RARB: variants seen among roughly 807,000 people sequenced by gnomAD.
RARB encodes HBV-activated protein.
A neutral mutation model predicts 51.9 loss-of-function variants in RARB; 17 were observed. That is an observed-to-expected ratio of 0.33 (90% CI 0.22 to 0.49). The LOEUF is 0.49. Ranked by LOEUF, RARB falls within the 20% of genes least tolerant of loss-of-function variation. The pLI is 0.99. For synonymous variants in RARB, 215 were observed against 195.4 expected, an observed-to-expected ratio of 1.10 and a Z score of -0.84; for missense variants, 369 against 550.8, an observed-to-expected ratio of 0.67 and a Z score of 3.30.
At chr3:25,522,158 G>A (rs1698428338) in intron 3 of RARB, among the ~76,000 whole-genome samples, 1 of 151,918 alleles carries the variant, frequency 6.6e-6, no homozygotes, top group African/African-American at 2.4e-5. Context: ...AAGTGGTGGA[G>A]AAAAAGACCG....
At chr3:25,174,267 C>A in exon 5 of RARB, 1 of 659,888 alleles carries the variant, frequency 1.5e-6, no homozygotes, top group Non-Finnish European at 2.3e-6. Context: ...TCAGTTGAAC[C>A]ATCTTGACTT....
upstream of RARB, chr3:25,428,165 G>C: frequency 9.1e-7 from 1 of 1,098,216 alleles, no homozygotes; most frequent in Non-Finnish European, 1.2e-6. Flanking sequence ...GGGAGTTGGT[G>C]ATGTCAGACT....
At chr3:25,323,300 C>T (rs578246411) in intron 5 of RARB, among the ~76,000 whole-genome samples, 1 of 152,212 alleles carries the variant, frequency 6.6e-6, no homozygotes, top group Non-Finnish European at 1.5e-5. Context: ...AGGAATGGCA[C>T]AGCCACATTA....
intron 1 of RARB, among the ~76,000 whole-genome samples, chr3:24,845,345 A>G (rs921954432): frequency 3.9e-5 from 6 of 152,306 alleles, no homozygotes; most frequent in African/African-American, 1.4e-4. Flanking sequence ...TACCTCGACT[A>G]GGAAGGAGCA....
intron 5 of RARB, among the ~76,000 whole-genome samples, chr3:25,406,580 T>A (rs1341803119): frequency 6.6e-6 from 1 of 152,222 alleles, no homozygotes; most frequent in African/African-American, 2.4e-5. Flanking sequence ...TCTGGTCATA[T>A]TGGATTAGGA....
chr3:24,870,852 C>A (rs1015907901), intron 2 of RARB, among the ~76,000 whole-genome samples: 1 of 152,100 alleles, frequency 6.6e-6, no homozygotes, highest in African/African-American at 2.4e-5. Flanking sequence ...GGAGATCCAT[C>A]ACCTCAAGCG....
intron 2 of RARB, among the ~76,000 whole-genome samples, chr3:25,025,959 C>T (rs182627079): frequency 7.0e-4 from 106 of 152,100 alleles, no homozygotes; most frequent in Admixed American, 2.4e-3. Flanking sequence ...TCAATAATTC[C>T]TCTGATTCAA....
At chr3:24,841,441 TC>T (rs1702420431) in intron 1 of RARB, among the ~76,000 whole-genome samples, 7 of 152,336 alleles carry the variant, frequency 4.6e-5, no homozygotes, top group Non-Finnish European at 2.9e-5. Flanking sequence ...AAGTCCTTGT[TC>T]AATTTAGGAT....
intron 5 of RARB, among the ~76,000 whole-genome samples, chr3:25,264,278 T>G (rs1703075115): frequency 6.6e-6 from 1 of 152,182 alleles, no homozygotes; most frequent in African/African-American, 2.4e-5. Flanking sequence ...ATGGATACCG[T>G]CATCCCAGTA....
chr3:25,298,185 T>C (rs1703961376), intron 5 of RARB, among the ~76,000 whole-genome samples: 2 of 39,302 alleles, frequency 5.1e-5, no homozygotes, highest in Admixed American at 8.3e-4. Flanking sequence ...CTACCAAATC[T>C]TTTTTTTTTT....
intron 5 of RARB, among the ~76,000 whole-genome samples, chr3:25,362,737 C>G (rs904196898): frequency 1.3e-4 from 20 of 152,182 alleles, no homozygotes; most frequent in Admixed American, 4.6e-4. Context: ...AGTTCCCTGA[C>G]TCCTTGTGCT....
At chr3:25,316,413 CTG>C (rs1052343725) in intron 5 of RARB, among the ~76,000 whole-genome samples, 43 of 151,398 alleles carry the variant, frequency 2.8e-4, no homozygotes, top group Non-Finnish European at 5.6e-4. Context: ...AAAGTGGAGT[CTG>C]TAAATATTTT....
rs185586643 is a variant in RARB at position 25,089,941 on chromosome 3, G to T, written c.-328+29765G>T. Among the ~76,000 whole-genome samples, 3 of 152,248 alleles carry T rather than the reference G, an allele frequency of 2.0e-5. No individual in the cohort carries two copies. The East Asian group carries it at 5.8e-4, about 29-fold the overall frequency. ...CCCACTGAATGGCACAAAAATCAAT[G>T]GGCCTTGGAGAGCAATCCCTTCACA... On this transcript the variant is annotated intron_variant, in intron 3 of 11. Coordinates refer to the RARB transcript ENST00000383772.
chr3:24,985,348 T>C (rs1696765046), intron 2 of RARB, among the ~76,000 whole-genome samples: 1 of 144,382 alleles, frequency 6.9e-6, no homozygotes, highest in African/African-American at 2.7e-5. Flanking sequence ...ATGGTTTTTT[T>C]GTTTTTTTTT....
intron 5 of RARB, among the ~76,000 whole-genome samples, chr3:25,371,396 C>T (rs1706293703): frequency 6.6e-6 from 1 of 152,156 alleles, no homozygotes; most frequent in Non-Finnish European, 1.5e-5. Flanking sequence ...ATAGTATAAT[C>T]AGATTTAATT....
intron 5 of RARB, among the ~76,000 whole-genome samples, chr3:25,416,150 G>A (rs1397950524): frequency 2.0e-5 from 3 of 152,202 alleles, no homozygotes; most frequent in African/African-American, 7.2e-5. Context: ...CCAGCACTCT[G>A]GGAGGCATAT....
intron 3 of RARB, among the ~76,000 whole-genome samples, chr3:25,062,363 T>C (rs1271959929): frequency 6.6e-6 from 1 of 151,948 alleles, no homozygotes; most frequent in East Asian, 1.9e-4. Context: ...TCTACTCTTA[T>C]TCCTTGTAGA....
chr3:25,104,227 A>G (rs1371145905), intron 3 of RARB, among the ~76,000 whole-genome samples: 1 of 152,212 alleles, frequency 6.6e-6, no homozygotes, highest in Non-Finnish European at 1.5e-5. Context: ...GACAATACCA[A>G]GTTTTCACAA....
At chr3:25,093,835 T>C (rs1238656503) in intron 3 of RARB, among the ~76,000 whole-genome samples, 2 of 152,140 alleles carry the variant, frequency 1.3e-5, no homozygotes, top group Admixed American at 6.5e-5. Flanking sequence ...ACCCAACCAA[T>C]TGGCAACAAG....
Sources: allele counts gnomAD v4.1 joint callset (sites outside exome capture counted in the v4.1 genomes callset), GRCh38; gene constraint gnomAD v4.1.1; transcripts MANE v1.5; gene names NCBI Gene and HGNC (gene_info 2026-07-23, HGNC 2026-07-21).